The following COL19A1 variants were observed in gnomAD, a reference collection of about 807,000 sequenced individuals.
COL19A1 encodes collagen type XIX alpha 1 chain.
COL19A1 carries 159 observed loss-of-function variants against 190.2 expected under a neutral mutation model. The observed-to-expected ratio is 0.84, with a 90% CI of 0.73 to 0.95. The LOEUF (loss-of-function observed/expected upper bound fraction) is 0.95, where lower values mean the gene tolerates loss of function less well. COL19A1 is among the 40% of genes least tolerant of loss of function. The probability of loss-of-function intolerance (pLI) is 0.00; values close to 1 mark genes in which losing one functional copy is unlikely to be tolerated. For missense variants in COL19A1, 1,418 were observed against 1,431.9 expected (o/e 0.99, Z 0.16); for synonymous variants, 509 against 458.9 (o/e 1.11, Z -1.39).
chr6:70,037,712 G>A (rs188686896), intron 14 of COL19A1, among the ~76,000 whole-genome samples: 236 of 152,050 alleles, frequency 1.6e-3, no homozygotes, highest in African/African-American at 4.9e-3. Context: ...ATATTATTTC[G>A]CCTGAAATAC....
intron 4 of COL19A1, among the ~76,000 whole-genome samples, chr6:69,913,675 T>C (rs1196344782): frequency 1.3e-5 from 2 of 152,056 alleles, no homozygotes; most frequent in African/African-American, 4.8e-5. Context: ...TGTCTGGAGG[T>C]AGAGAAGACT....
At chr6:70,095,836 G>T (rs902297440) in intron 15 of COL19A1, among the ~76,000 whole-genome samples, 1 of 151,948 alleles carries the variant, frequency 6.6e-6, no homozygotes, top group South Asian at 2.1e-4. Context: ...TGTCCTCAAG[G>T]TTCCTCCATG....
At chr6:70,051,549 G>A (rs1780200679) in intron 14 of COL19A1, among the ~76,000 whole-genome samples, 1 of 152,078 alleles carries the variant, frequency 6.6e-6, no homozygotes. Context: ...TGGATTGCAG[G>A]CAAACTTGCC....
chr6:70,145,825 A>G (rs1208446164), intron 25 of COL19A1, among the ~76,000 whole-genome samples: 1 of 148,100 alleles, frequency 6.8e-6, no homozygotes, highest in African/African-American at 2.5e-5. Context: ...GATTCAAGTG[A>G]TCCTCCCACC....
At chr6:70,032,879 A>C (rs1312663592) in intron 12 of COL19A1, among the ~76,000 whole-genome samples, 1 of 152,122 alleles carries the variant, frequency 6.6e-6, no homozygotes, top group East Asian at 1.9e-4. Context: ...TCTTCCTTCA[A>C]GTGTTTACAA....
intron 16 of COL19A1, among the ~76,000 whole-genome samples, chr6:70,110,227 G>A (rs1453751598): frequency 2.0e-5 from 3 of 152,066 alleles, no homozygotes; most frequent in Non-Finnish European, 2.9e-5. Flanking sequence ...AGCTCATCAT[G>A]TATCAATGGG....
At chr6:70,111,587 G>A (rs1784289278) in intron 16 of COL19A1, among the ~76,000 whole-genome samples, 1 of 152,148 alleles carries the variant, frequency 6.6e-6, no homozygotes, top group East Asian at 1.9e-4. Context: ...TATGGGATTA[G>A]TAACAGTTAA....
intron 48 of COL19A1, among the ~76,000 whole-genome samples, chr6:70,196,615 C>T (rs1767216241): frequency 1.3e-5 from 2 of 152,106 alleles, no homozygotes; most frequent in Admixed American, 1.3e-4. Context: ...ATATTAATGT[C>T]TGTATTATAT....
At chr6:69,978,812 A>G (rs80123087) in intron 11 of COL19A1, among the ~76,000 whole-genome samples, 3,380 of 151,816 alleles carry the variant, frequency 0.022, 130 homozygotes, top group African/African-American at 0.071. Flanking sequence ...TAAATGACTA[A>G]GAAAATGAAT....
chr6:69,947,255 GA>G (rs1247087148), intron 9 of COL19A1, among the ~76,000 whole-genome samples: 1 of 151,668 alleles, frequency 6.6e-6, no homozygotes, highest in African/African-American at 2.4e-5. Flanking sequence ...AAAAATATAA[GA>G]AATATATTTC....
chr6:70,144,803 A>G (rs1786506162), intron 24 of COL19A1, 115 bp from the exon 25 acceptor site: 4 of 693,938 alleles, frequency 5.8e-6, no homozygotes, highest in Non-Finnish European at 5.2e-6. Context: ...GAGTGAGTGA[A>G]TGAATGAAGT....
intron 2 of COL19A1, among the ~76,000 whole-genome samples, chr6:69,888,326 C>A (rs1769082342): frequency 6.6e-6 from 1 of 152,138 alleles, no homozygotes; most frequent in Non-Finnish European, 1.5e-5. Context: ...CAAAAAAAAA[C>A]TTTACTCTTT....
At chr6:70,145,326 A>G (rs967054733) in intron 25 of COL19A1, among the ~76,000 whole-genome samples, 3 of 152,200 alleles carry the variant, frequency 2.0e-5, no homozygotes, top group Non-Finnish European at 4.4e-5. Context: ...ACATACAACC[A>G]TGGAATACTA....
Position 70,088,232 on chromosome 6 carries a change from A to G in COL19A1, c.1225-13937A>G, listed in dbSNP as rs1782696241. On this transcript the variant is annotated intron_variant, in intron 15 of 50. Transcript: ENST00000620364. ...TCTCTTAAATGCCTCTCAGATCTTC[A>G]TATATTCTAGCCCACTATCTTTAGG... 1.3e-5 allele frequency among the ~76,000 whole-genome samples: 2 copies of G among 152,130 alleles called. 1 individual carries two copies. Among genetic ancestry groups the G allele is most frequent in the African/African-American group, 4.8e-5 (2 of 41,440 alleles).
At chr6:69,968,508 CAAAT>C (rs1357961350) in intron 11 of COL19A1, among the ~76,000 whole-genome samples, 1 of 152,034 alleles carries the variant, frequency 6.6e-6, no homozygotes, top group Non-Finnish European at 1.5e-5. Context: ...ACTAGTACCA[CAAAT>C]AAATAATGTC....
chr6:70,208,522 T>C lies in COL19A1; in HGVS notation c.*1248T>C, dbSNP rs1312582647. ...GTGATCATCAAATGCCTAAACAGTCTTTCTGTTGGTTAGCTGTACATTCAT... is the reference window on the plus strand; with the variant it reads ...GTGATCATCAAATGCCTAAACAGTCCTTCTGTTGGTTAGCTGTACATTCAT... On this transcript the variant is annotated 3_prime_UTR_variant, in exon 51 of 51. Coordinates refer to ENST00000620364, the MANE Select transcript of COL19A1 (RefSeq NM_001858.6). The C allele has an allele frequency of 6.6e-6, 1 of 152,274 alleles. No homozygotes were observed. The highest frequency in any genetic ancestry group is 2.4e-5 in the African/African-American group (1 of 41,450). The allele number at this position is 152,274 out of a possible 1,614,324, so 9.4% of individuals were successfully genotyped here. A position where few individuals can be genotyped will look rare whatever the true frequency, so the allele number is the denominator to read the frequency against.
chr6:70,054,395 A>AT (rs1780379013), intron 14 of COL19A1, among the ~76,000 whole-genome samples: 2 of 152,282 alleles, frequency 1.3e-5, no homozygotes, highest in Middle Eastern at 6.8e-3. Context: ...ATGAATAGCC[A>AT]TTTTTTGTCA....
intron 10 of COL19A1, among the ~76,000 whole-genome samples, chr6:69,960,561 G>C (rs571760065): frequency 2.0e-5 from 3 of 151,702 alleles, no homozygotes; most frequent in Non-Finnish European, 2.9e-5. Context: ...CATGGGCCAG[G>C]CTGCCTCTTC....
chr6:70,162,640 A>C (rs1246315808), intron 35 of COL19A1, among the ~76,000 whole-genome samples: 1 of 152,188 alleles, frequency 6.6e-6, no homozygotes, highest in Non-Finnish European at 1.5e-5. Context: ...TAAATCTGGC[A>C]ACCCAGCACA....
Sources: allele counts gnomAD v4.1 joint callset (sites outside exome capture counted in the v4.1 genomes callset), GRCh38; gene constraint gnomAD v4.1.1; transcripts MANE v1.5; gene names NCBI Gene and HGNC (gene_info 2026-07-23, HGNC 2026-07-21).